Variants in MAML3 observed in about 807,000 individuals in gnomAD.
MAML3 encodes the protein mastermind like transcriptional coactivator 3, also known as mastermind-like protein 3.
In MAML3, 27 loss-of-function variants were observed where a neutral mutation model predicts 101.9. The observed-to-expected ratio is 0.27, with a 90% CI of 0.20 to 0.37. The LOEUF (loss-of-function observed/expected upper bound fraction) is 0.37. Among genes scored for constraint, MAML3 ranks in the 10% least tolerant of loss-of-function variants. The pLI is 1.00. For missense variants in MAML3, 1,316 were observed against 1,444.9 expected (o/e 0.91, Z 1.45); for synonymous variants, 501 against 555.9 (o/e 0.90, Z 1.39).
At chr4:140,020,983 T>C (rs1726723941) in intron 1 of MAML3, among the ~76,000 whole-genome samples, 1 of 152,126 alleles carries the variant, frequency 6.6e-6, no homozygotes, top group Non-Finnish European at 1.5e-5. Context: ...TGAAGCCAAA[T>C]ACATACTTCC....
intron 2 of MAML3, among the ~76,000 whole-genome samples, chr4:139,754,137 T>C (rs1292215812): frequency 6.6e-6 from 1 of 152,240 alleles, no homozygotes; most frequent in Non-Finnish European, 1.5e-5. Flanking sequence ...TGACTGAAAC[T>C]GCAAAACTTG....
chr4:139,835,136 TTAAC>T (rs1731234534), intron 2 of MAML3, among the ~76,000 whole-genome samples: 1 of 152,254 alleles, frequency 6.6e-6, no homozygotes, highest in African/African-American at 2.4e-5. Context: ...GAACTAAAGT[TTAAC>T]TAAAGTAAAT....
chr4:139,830,446 G>A (rs533984071), intron 2 of MAML3, among the ~76,000 whole-genome samples: 478 of 123,914 alleles, frequency 3.9e-3, no homozygotes, highest in Non-Finnish European at 4.3e-3. Context: ...ACGGAGTCTC[G>A]CTCCGTCACC....
intron 2 of MAML3, among the ~76,000 whole-genome samples, chr4:139,842,760 G>A (rs1441040927): frequency 6.7e-5 from 5 of 74,788 alleles, no homozygotes; most frequent in Non-Finnish European, 9.9e-5. Context: ...TTATCCGCTT[G>A]CCTTTTTTTT....
chr4:139,907,066 C>G (rs560632648), intron 1 of MAML3, among the ~76,000 whole-genome samples: 1 of 152,338 alleles, frequency 6.6e-6, no homozygotes, highest in African/African-American at 2.4e-5. Flanking sequence ...ACTGACCACA[C>G]TGCCAGATTT....
intron 2 of MAML3, among the ~76,000 whole-genome samples, chr4:139,864,166 G>GAAT (rs965275361): frequency 2.2e-4 from 33 of 152,276 alleles, no homozygotes; most frequent in African/African-American, 7.5e-4. Context: ...TAGTGATGAA[G>GAAT]AATAATAACA....
chr4:140,082,526 C>T (rs1727875137), intron 1 of MAML3, among the ~76,000 whole-genome samples: 1 of 152,190 alleles, frequency 6.6e-6, no homozygotes, highest in African/African-American at 2.4e-5. Flanking sequence ...TAACATGGAG[C>T]TCTGCCCACA....
intron 1 of MAML3, among the ~76,000 whole-genome samples, chr4:140,019,420 C>A (rs558308445): frequency 2.0e-5 from 3 of 152,158 alleles, no homozygotes; most frequent in Non-Finnish European, 4.4e-5. Context: ...TTATCCCCAG[C>A]GCTGAGAAAA....
In MAML3 at chr4:139,890,292, CAGA is replaced by C. The variant is rs1160513454; in HGVS notation, c.1141_1143del (p.Ser381del). ...GTGGAGACAGTAGAAAAGGGAGGAC[CAGA>C]AGAAGAAGGCCTCGCCTGGGGAGAT... is the stretch of plus-strand genomic sequence containing the variant. On this transcript the variant is annotated inframe_deletion, in exon 2 of 5. Transcript: ENST00000509479. This position sits in a 1 kb window ranked among gnomAD's most constrained non-coding sequence, Gnocchi z 4.1. The C allele has an allele frequency of 2.5e-6, 4 of 1,613,648 alleles. No homozygotes were observed. The highest frequency in any genetic ancestry group is 3.4e-6 in the Non-Finnish European group (4 of 1,179,812).
Position 140,103,952 on chromosome 4 carries a change from A to AC in MAML3, c.468+48907dup, listed in dbSNP as rs1342253186. ...GAGACCAAATTTTGGTTTACAAACC[A>AC]CCCCATCCTATTGTTCAGGAAATGA... On this transcript the variant is annotated intron_variant, in intron 1 of 4. Coordinates refer to ENST00000509479, the MANE Select transcript of MAML3 (RefSeq NM_018717.5). Among the ~76,000 whole-genome samples the AC allele has an allele frequency of 7.9e-5, 12 of 152,148 alleles. No individual in the cohort carries two copies. In the East Asian group the frequency reaches 1.9e-3, roughly 24 times the overall value.
intron 2 of MAML3, among the ~76,000 whole-genome samples, chr4:139,820,138 C>A (rs903297234): frequency 1.3e-5 from 2 of 152,194 alleles, no homozygotes; most frequent in Non-Finnish European, 2.9e-5. Context: ...TTTCTCTGAT[C>A]AGATAAAGGT....
At chr4:139,840,442 G>A (rs1731341053) in intron 2 of MAML3, among the ~76,000 whole-genome samples, 2 of 152,140 alleles carry the variant, frequency 1.3e-5, no homozygotes, top group African/African-American at 4.8e-5. Flanking sequence ...GGGCTTTAGG[G>A]AAATGCCAAA....
chr4:139,768,262 G>GTGTA (rs1729907026), intron 2 of MAML3, among the ~76,000 whole-genome samples: 1 of 148,754 alleles, frequency 6.7e-6, no homozygotes, highest in African/African-American at 2.5e-5. Flanking sequence ...GTGTGTGTGT[G>GTGTA]TGTGTTGCTG....
intron 1 of MAML3, among the ~76,000 whole-genome samples, chr4:139,995,533 C>A (rs896880112): frequency 2.0e-5 from 3 of 152,074 alleles, no homozygotes; most frequent in African/African-American, 4.8e-5. Context: ...ATAGTTCTAT[C>A]CTTTCTATTT....
At chr4:139,853,038 T>C (rs751271704) in intron 2 of MAML3, among the ~76,000 whole-genome samples, 1 of 152,198 alleles carries the variant, frequency 6.6e-6, no homozygotes, top group Non-Finnish European at 1.5e-5. Context: ...ACTACTACCC[T>C]CTTGTGTTAC....
At chr4:140,035,002 C>T (rs1056889852) in intron 1 of MAML3, among the ~76,000 whole-genome samples, 5 of 152,156 alleles carry the variant, frequency 3.3e-5, no homozygotes, top group Non-Finnish European at 7.3e-5. Context: ...TGGAGTCTTG[C>T]TCTATTGCCC....
At chr4:139,874,830 G>A (rs1415300838) in intron 2 of MAML3, among the ~76,000 whole-genome samples, 2 of 137,434 alleles carry the variant, frequency 1.5e-5, no homozygotes, top group East Asian at 4.2e-4. Context: ...TTGAGATGGA[G>A]TCTTGCCCTG....
intron 2 of MAML3, among the ~76,000 whole-genome samples, chr4:139,783,812 G>A (rs1222921133): frequency 6.6e-6 from 1 of 152,178 alleles, no homozygotes; most frequent in Non-Finnish European, 1.5e-5. Context: ...CCCAGTCAGC[G>A]ATTGGCCGTC....
intron 1 of MAML3, among the ~76,000 whole-genome samples, chr4:140,041,159 AGGT>A: frequency 6.6e-6 from 1 of 152,172 alleles, no homozygotes; most frequent in South Asian, 2.1e-4. Context: ...ATGCATACAG[AGGT>A]ATCTGAATTT....
Sources: allele counts gnomAD v4.1 joint callset (sites outside exome capture counted in the v4.1 genomes callset), GRCh38; gene constraint gnomAD v4.1.1; non-coding constraint Gnocchi (gnomAD v3.1); transcripts MANE v1.5; gene names NCBI Gene and HGNC (gene_info 2026-07-23, HGNC 2026-07-21).